Variants in USP7 observed in about 807,000 individuals in gnomAD.
USP7 encodes the protein ubiquitin specific peptidase 7, also known as ubiquitin C-terminal hydrolase 7.
In USP7, 9 loss-of-function variants were observed where a neutral mutation model predicts 162.9. The observed-to-expected ratio is 0.06, with a 90% confidence interval of 0.03 to 0.10. The LOEUF (loss-of-function observed/expected upper bound fraction) is 0.10, where lower values mean the gene tolerates loss of function less well. USP7 is among the 10% of genes least tolerant of loss of function. The probability of loss-of-function intolerance (pLI) is 1.00; values close to 1 mark genes in which losing one functional copy is unlikely to be tolerated. For missense variants in USP7, 715 were observed against 1,373.7 expected (o/e 0.52, Z 7.58); for synonymous variants, 562 against 475.9 (o/e 1.18, Z -2.35).
intron 21 of USP7, 113 bp from the exon 22 acceptor site, chr16:8,899,870 T>C: frequency 2.3e-6 from 3 of 1,299,974 alleles, no homozygotes; most frequent in Non-Finnish European, 3.3e-6. Context: ...TCTTGCAAGA[T>C]AAATTCAGGT....
chr16:8,947,563 G>A (rs753249872), intron 1 of USP7, among the ~76,000 whole-genome samples: 10 of 152,088 alleles, frequency 6.6e-5, no homozygotes, highest in Non-Finnish European at 1.3e-4. Flanking sequence ...GCCCAGGCTC[G>A]TCTCGAACTT....
chr16:8,905,587 A>G (rs1412801597), intron 13 of USP7, among the ~76,000 whole-genome samples: 1 of 152,220 alleles, frequency 6.6e-6, no homozygotes, highest in African/African-American at 2.4e-5. Flanking sequence ...CCATTCGCCC[A>G]ATGGCAATTT....
At chr16:8,955,597 T>G (rs573086123) in intron 1 of USP7, among the ~76,000 whole-genome samples, 15 of 148,100 alleles carry the variant, frequency 1.0e-4, no homozygotes, top group African/African-American at 3.4e-4. Flanking sequence ...TCCTGGCTAC[T>G]TGGGAGGCTG....
At chr16:8,957,252 T>G (rs537712106) in intron 1 of USP7, among the ~76,000 whole-genome samples, 8 of 152,338 alleles carry the variant, frequency 5.3e-5, no homozygotes, top group Non-Finnish European at 1.0e-4. Flanking sequence ...GCATGACACT[T>G]AAAACCCTGC....
intron 11 of USP7, among the ~76,000 whole-genome samples, chr16:8,908,858 A>G (rs1443216872): frequency 2.0e-5 from 3 of 152,252 alleles, no homozygotes; most frequent in Non-Finnish European, 4.4e-5. Flanking sequence ...ATTACCCAAG[A>G]TTAGGTATGC....
intron 1 of USP7, among the ~76,000 whole-genome samples, chr16:8,938,193 A>G (rs1013483186): frequency 2.0e-5 from 3 of 152,174 alleles, no homozygotes; most frequent in Admixed American, 2.0e-4. Context: ...TTGACTACAT[A>G]TGCTTTTAAA....
In USP7 at chr16:8,956,063, G is replaced by C. The variant is rs576644574; in HGVS notation, c.79+7144C>G. On this transcript the variant is annotated intron_variant, in intron 1 of 30. Transcript: ENST00000344836. ...CTCACACAGCACACTTTCCAAACCA[G>C]ATGCCAGTTTAACAACTTACTGTGA... Among the ~76,000 whole-genome samples, 3 of 152,276 alleles carry C rather than the reference G, an allele frequency of 2.0e-5. No individual in the cohort carries two copies. The South Asian group carries it at 6.2e-4, about 32-fold the overall frequency.
At chr16:8,921,359 G>T in intron 3 of USP7, 64 bp from the exon 4 acceptor site, 3 of 1,567,886 alleles carry the variant, frequency 1.9e-6, no homozygotes, top group South Asian at 2.3e-5. Flanking sequence ...CATTTTTAAA[G>T]ACAGTAAACA....
At chr16:8,896,523 A>C (rs2061683712) in intron 26 of USP7, among the ~76,000 whole-genome samples, 1 of 152,150 alleles carries the variant, frequency 6.6e-6, no homozygotes, top group African/African-American at 2.4e-5. Context: ...TGAAATAAAC[A>C]ATCAATTCAG....
At chr16:8,899,804 G>T (rs373696932) in intron 21 of USP7, 47 bp from the exon 22 acceptor site, 20 of 1,607,512 alleles carry the variant, frequency 1.2e-5, no homozygotes, top group Admixed American at 1.7e-5. Flanking sequence ...TCCATGGCAG[G>T]GGGTAGCTGG....
chr16:8,900,349 G>A (rs1001664823), intron 21 of USP7, among the ~76,000 whole-genome samples, 181 bp downstream of exon 21: 1 of 152,134 alleles, frequency 6.6e-6, no homozygotes, highest in African/African-American at 2.4e-5. Context: ...AGAGCTTTAT[G>A]AGATGAAAAT....
chr16:8,898,732 ACACCT>A, intron 23 of USP7, 93 bp from the exon 24 acceptor site: 1 of 1,044,746 alleles, frequency 9.6e-7, no homozygotes, highest in Non-Finnish European at 1.4e-6. Flanking sequence ...CGCTGGCCTT[ACACCT>A]GGTCTTGAAA....
At chr16:8,896,273 G>A (rs943508908) in intron 26 of USP7, among the ~76,000 whole-genome samples, 2 of 151,924 alleles carry the variant, frequency 1.3e-5, no homozygotes, top group Non-Finnish European at 2.9e-5. Flanking sequence ...GGCCACATTT[G>A]GGCACAGAGA....
chr16:8,916,481 C>A (rs752426274), intron 8 of USP7, 21 bp downstream of exon 8: 2 of 1,601,548 alleles, frequency 1.2e-6, no homozygotes, highest in African/African-American at 1.3e-5. Flanking sequence ...AAGAAATATA[C>A]AAGTATTGCT....
At chr16:8,935,123 C>G (rs903719805) in intron 1 of USP7, among the ~76,000 whole-genome samples, 1 of 152,010 alleles carries the variant, frequency 6.6e-6, no homozygotes, top group East Asian at 1.9e-4. Context: ...GATGTAATAC[C>G]AAGTTTTATA....
chr16:8,923,131 G>T, intron 3 of USP7, 84 bp downstream of exon 3: 1 of 854,008 alleles, frequency 1.2e-6, no homozygotes, highest in Non-Finnish European at 1.7e-6. Flanking sequence ...AAATCAAAAG[G>T]CTATGTAGAG....
chr16:8,908,274 C>A, intron 12 of USP7, 67 bp downstream of exon 12: 1 of 1,265,652 alleles, frequency 7.9e-7, no homozygotes. Flanking sequence ...CTGAGGAAAG[C>A]ACTGAGACTA....
Position 8,898,151 on chromosome 16 carries a change from C to T in USP7, c.2718+209G>A, listed in dbSNP as rs575930078. Among the ~76,000 whole-genome samples, 242 of 152,136 alleles carry T rather than the reference C, an allele frequency of 1.6e-3. 1 individual carries two copies. Among genetic ancestry groups the T allele is most frequent in the Non-Finnish European group, 3.1e-3 (214 of 68,026 alleles). On this transcript the variant is annotated intron_variant, in intron 25 of 30. Coordinates refer to ENST00000344836, the MANE Select transcript of USP7 (RefSeq NM_003470.3). ...GGGAAGGGTTGGCTGCCGAATGGTT[C>T]CTTAGCTCCACATGTCATGCACCCC...
intron 3 of USP7, 75 bp downstream of exon 3, chr16:8,923,140 A>AG: frequency 1.4e-6 from 1 of 706,682 alleles, no homozygotes; most frequent in South Asian, 2.7e-5. Context: ...GGCTATGTAG[A>AG]GGCAGCAAAT....
Sources: gnomAD v4.1 joint callset for allele counts (sites outside exome capture counted in the v4.1 genomes callset) on GRCh38, gnomAD v4.1.1 for gene constraint, MANE v1.5 for transcripts, NCBI Gene and HGNC (gene_info 2026-07-23, HGNC 2026-07-21) for gene names.